KCP: variants seen among roughly 807,000 people sequenced by gnomAD.
KCP encodes the protein kielin/chordin-like protein.
A neutral mutation model predicts 212.7 loss-of-function variants in KCP; 194 were observed. The observed-to-expected ratio is 0.91, with a 90% CI of 0.81 to 1.03. KCP has a LOEUF of 1.03. KCP is among the 50% of genes least tolerant of loss of function. The pLI is 0.00. For synonymous variants in KCP, 833 were observed against 865.3 expected, an observed-to-expected ratio of 0.96 and a Z score of 0.65; for missense variants, 2,080 against 2,162.5, an observed-to-expected ratio of 0.96 and a Z score of 0.76.
Position 128,877,234 on chromosome 7 carries a change from G to T in KCP, c.4696C>A (p.His1566Asn). The T allele has an allele frequency of 6.7e-7, 1 of 1,482,352 alleles. No individual in the cohort carries two copies. Among genetic ancestry groups the T allele is most frequent in the Non-Finnish European group, 9.0e-7 (1 of 1,116,888 alleles). The allele number at this position is 1,482,352 out of a possible 1,614,324, so 91.8% of individuals were successfully genotyped here. A position where few individuals can be genotyped will look rare whatever the true frequency, so the allele number is the denominator to read the frequency against. Residue 1566 changes from histidine to asparagine, a missense_variant, in exon 40 of 40, where the codon CAT becomes AAT. By Grantham distance (68) the His-to-Asn change is moderately conservative. Transcript: ENST00000610776. ...PPCPRTCFNQ[H>N]IPLGELAAHC... is the part of the protein sequence containing the mutation. ...GCTGCCAGCTCCCCCAGGGGGATAT[G>T]CTGATTGAAGCAGGTGCGGGGACAG...
chr7:128,907,535 G>T, intron 2 of KCP, 82 bp from the exon 3 acceptor site: 1 of 1,017,396 alleles, frequency 9.8e-7, no homozygotes, highest in East Asian at 3.0e-5. Context: ...TGAAAATGAG[G>T]CAGGATGAGA....
In KCP at chr7:128,888,887, C is replaced by T; in HGVS notation, c.2488G>A (p.Gly830Arg). The change falls in exon 22 of 40, where the codon GGG (glycine) becomes AGG (arginine). Residue 830 changes from glycine (G) to arginine (R), a missense_variant. Gly to Arg is a moderately radical substitution (Grantham distance 125). Transcript: ENST00000610776. The stretch of plus-strand genomic sequence containing the variant: ...CCCTGGCAGGTCGGGCAGCAGTGCC[C>T]AGAGGGGATGAGTGGGTGGCTGCAG... ...PGCSHPLIPS[G>R]HCCPTCQGCR... The T allele has an allele frequency of 6.5e-7, 1 of 1,550,026 alleles. No homozygotes were observed. The highest frequency in any genetic ancestry group is 8.7e-7 in the Non-Finnish European group (1 of 1,146,772).
At chr7:128,895,381 C>T (rs1026512690) in intron 8 of KCP, among the ~76,000 whole-genome samples, 9 of 152,206 alleles carry the variant, frequency 5.9e-5, no homozygotes, top group African/African-American at 1.9e-4. Flanking sequence ...TGGCTACTGC[C>T]ACTACCCCAT....
At position 128,906,217 on chromosome 7, in the gene KCP, G is replaced by C. The variant is rs568375704; in HGVS notation, c.571+62C>G. ...TGTCCCAGACTCACTGAGGTGGCAGGCTGTGTCTGTGGGCCAGAGAAGGCA... is the reference window on the plus strand; with the variant it reads ...TGTCCCAGACTCACTGAGGTGGCAGCCTGTGTCTGTGGGCCAGAGAAGGCA... On this transcript the variant is annotated intron_variant, in intron 5 of 39. Coordinates refer to ENST00000610776, the MANE Select transcript of KCP (RefSeq NM_001366122.1). 43 of 1,348,696 alleles carry C rather than the reference G, an allele frequency of 3.2e-5. No homozygotes were observed. The African/African-American group carries it at 5.2e-4, about 16-fold the overall frequency. 83.5% of individuals were successfully genotyped at this position (1,348,696 alleles called of 1,614,324 possible).
Position 128,877,271 on chromosome 7 carries a change from C to CT in KCP, c.4658dup (p.Cys1554ValfsTer41). 1 of 1,504,186 alleles carries CT rather than the reference C, an allele frequency of 6.6e-7. No individual in the cohort carries two copies. Among genetic ancestry groups the CT allele is most frequent in the Non-Finnish European group, 8.9e-7 (1 of 1,129,000 alleles). The allele number at this position is 1,504,186 out of a possible 1,614,324, so 93.2% of individuals were successfully genotyped here. ...AGGTGCGGGGACAGGGTGGGCCGCA[C>CT]TCATCAAACACGAAGCCACGCTCCA... On this transcript the variant is annotated frameshift_variant, in exon 40 of 40. Transcript: ENST00000610776. LOFTEE classifies it high-confidence loss of function.
rs756754699 is a variant in KCP, at chr7:128,907,259, C to T, written c.409+5G>A. ...GCCCCAGTGGGCGGATAGGGTGGCA[C>T]TTACCCCTGCAATGGGGCAGGTGTG... On this transcript the variant is annotated splice_donor_5th_base_variant and intron_variant, in intron 3 of 39. Transcript: ENST00000610776. 4 of 1,534,164 alleles carry T rather than the reference C, an allele frequency of 2.6e-6. No homozygotes were observed. The highest frequency in any genetic ancestry group is 1.2e-5 in the South Asian group (1 of 83,302).
Position 128,893,322 on chromosome 7 carries a change from A to G in KCP, c.1186-3T>C, listed in dbSNP as rs769256100. 4 of 1,551,480 alleles carry G rather than the reference A, an allele frequency of 2.6e-6. No homozygotes were observed. In the South Asian group the frequency reaches 3.6e-5, roughly 14 times the overall value. On this transcript the variant is annotated splice_region_variant and splice_polypyrimidine_tract_variant and intron_variant, in intron 12 of 39. Transcript: ENST00000610776. ...TCCTCACAGGAGACCTCGCCAGCCT[A>G]GGAGGGAAGCAGGTGAGACACCCTG...
chr7:128,906,258 T>G (rs1288738002), intron 5 of KCP, 21 bp downstream of exon 5: 9 of 1,540,096 alleles, frequency 5.8e-6, no homozygotes, highest in Non-Finnish European at 7.9e-6. Flanking sequence ...GAGGTGGGGC[T>G]GAGACTGGCA....
intron 28 of KCP, 55 bp from the exon 29 acceptor site, chr7:128,884,177 C>T: frequency 6.7e-7 from 1 of 1,500,516 alleles, no homozygotes; most frequent in South Asian, 1.3e-5. Flanking sequence ...CCAGAGCTGC[C>T]CTTGGCCGGG....
chr7:128,877,772 G>T lies in KCP; in HGVS notation c.4330C>A (p.Pro1444Thr). The change falls in exon 39 of 40, where the codon CCT becomes ACT. Residue 1444 changes from proline (P) to threonine (T), a missense_variant. By Grantham distance (38) the Pro-to-Thr change is conservative (BLOSUM62 -1). Transcript: ENST00000610776. ...CGGCCTGCAGAACAGGGCCGGCCAG[G>T]CCACAGCCCCTCTGAGACCTGGGTG... The part of the protein sequence containing the change: ...NSWQVSEGLW[P>T]GRPCSAGREV... The T allele has an allele frequency of 1.9e-6, 3 of 1,548,792 alleles. No homozygotes were observed. Among genetic ancestry groups the T allele is most frequent in the Non-Finnish European group, 2.6e-6 (3 of 1,145,836 alleles).
intron 37 of KCP, chr7:128,879,217 C>T (rs1024896605): frequency 2.1e-5 from 9 of 438,750 alleles, no homozygotes; most frequent in Non-Finnish European, 3.7e-5. Flanking sequence ...CTGACATCCT[C>T]CCCACTGCCA....
chr7:128,891,334 G>T (rs1238320982), intron 18 of KCP, 56 bp from the exon 19 acceptor site: 2 of 1,546,718 alleles, frequency 1.3e-6, no homozygotes, highest in African/African-American at 1.4e-5. Context: ...AGGCCGAGGA[G>T]ACCCCTCCCA....
In KCP at chr7:128,885,068, T is replaced by C. The variant is rs1192267961; in HGVS notation, c.3040+29A>G. ...GTGGGCCCAGGGCTCCCTCCTCGCC[T>C]TTCCCCTCCCGCCCCAGGCTTCCAG... On this transcript the variant is annotated intron_variant, in intron 27 of 39. Coordinates refer to ENST00000610776, the MANE Select transcript of KCP (RefSeq NM_001366122.1). 3 of 1,550,252 alleles carry C rather than the reference T, an allele frequency of 1.9e-6. No homozygotes were observed. In the Admixed American group the frequency reaches 5.9e-5, roughly 30 times the overall value.
intron 5 of KCP, among the ~76,000 whole-genome samples, chr7:128,905,634 T>A (rs1198128042): frequency 2.0e-5 from 3 of 152,188 alleles, no homozygotes; most frequent in African/African-American, 7.2e-5. Context: ...TGAATATTCC[T>A]CAAGCGCCCC....
In KCP at chr7:128,881,619, C is replaced by T; in HGVS notation, c.3424+7G>A. On this transcript the variant is annotated splice_region_variant and intron_variant, in intron 31 of 39. Transcript: ENST00000610776. ...TCTGAGGGTGGAGGCCAAGGCTGGG[C>T]ACTTACCCCGGCATACGGGGCAGCA... The T allele has an allele frequency of 6.7e-7, 1 of 1,487,620 alleles. No homozygotes were observed. Among genetic ancestry groups the T allele is most frequent in the Non-Finnish European group, 8.9e-7 (1 of 1,122,664 alleles). 92.2% of individuals were successfully genotyped at this position (1,487,620 alleles called of 1,614,324 possible). A position where few individuals can be genotyped will look rare whatever the true frequency, so the allele number is the denominator to read the frequency against.
At position 128,894,038 on chromosome 7, in the gene KCP, G is replaced by A. The variant is rs754100532; in HGVS notation, c.943C>T (p.Arg315Trp). 3.9e-6 allele frequency: 6 copies of A among 1,549,888 alleles called. No homozygotes were observed. The highest frequency in any genetic ancestry group is 3.9e-5 in the Admixed American group (2 of 50,976). The change falls in exon 10 of 40, where the codon CGG becomes TGG. Residue 315 changes from arginine to tryptophan, a missense_variant. Physicochemically the swap from Arg to Trp is moderately radical, Grantham distance 101. Coordinates refer to ENST00000610776, the MANE Select transcript of KCP (RefSeq NM_001366122.1). ...PVCDGCFLNG[R>W]EHRSGEPVGS... ...ACAGGCTCCCCGCTGCGGTGCTCCC[G>A]CCCGTTTAGGAAACAGCCTGTTGGG...
intron 8 of KCP, among the ~76,000 whole-genome samples, chr7:128,896,436 C>T (rs1180018152): frequency 1.3e-5 from 2 of 152,114 alleles, no homozygotes; most frequent in Admixed American, 6.5e-5. Context: ...ATGGGTTTGG[C>T]ACTACGGGAT....
Position 128,879,558 on chromosome 7 carries a change from T to A in KCP, c.4110A>T (p.Gly1370=). 1 of 1,550,118 alleles carries A rather than the reference T, an allele frequency of 6.5e-7. No individual in the cohort carries two copies. ...QEPLLYVELR[G]HTVILHAQPG... ...GCTGGGCGTGCAGGATCACAGTGTG[T>A]CCTCGCAGCTCCACATACAGCAGCG... The change falls in exon 37 of 40, where the codon GGA becomes GGT. Residue 1370 remains glycine, a synonymous_variant. Transcript: ENST00000610776.
chr7:128,877,961 GGACA>G (rs1793093213), intron 38 of KCP, among the ~76,000 whole-genome samples, 171 bp from the exon 39 acceptor site: 1 of 152,172 alleles, frequency 6.6e-6, no homozygotes, highest in African/African-American at 2.4e-5. Flanking sequence ...TTTTACAGAA[GGACA>G]GACCAAGGCC....
Sources: gnomAD v4.1 joint callset for allele counts (sites outside exome capture counted in the v4.1 genomes callset) on GRCh38, gnomAD v4.1.1 for gene constraint, MANE v1.5 for transcripts, NCBI Gene and HGNC (gene_info 2026-07-23, HGNC 2026-07-21) for gene names.